The following UBE2D3 variants were observed in gnomAD, a reference collection of about 807,000 sequenced individuals.
UBE2D3 encodes ubiquitin conjugating enzyme E2 D3.
UBE2D3 carries 2 observed loss-of-function variants against 22.8 expected under a neutral mutation model. The observed-to-expected ratio is 0.09, with a 90% confidence interval of 0.04 to 0.28. The LOEUF is 0.28. Among genes scored for constraint, UBE2D3 ranks in the 10% least tolerant of loss-of-function variants. The probability of loss-of-function intolerance (pLI) is 1.00; values close to 1 mark genes in which losing one functional copy is unlikely to be tolerated. For missense variants in UBE2D3, 27 were observed against 182.5 expected, an observed-to-expected ratio of 0.15 and a Z score of 4.91; for synonymous variants, 56 against 60.4, an observed-to-expected ratio of 0.93 and a Z score of 0.34.
In UBE2D3 at chr4:102,819,249, G is replaced by A. The variant is rs536820753; in HGVS notation, c.24+7236C>T. On this transcript the variant is annotated intron_variant, in intron 2 of 7. Transcript: ENST00000453744. Reference sequence around the variant, plus strand: ...AGAGGCTGAGACAGGAGAATTGCTTGAACCCAGGAGACGGTGGTTGCAGTA... The same window carrying A: ...AGAGGCTGAGACAGGAGAATTGCTTAAACCCAGGAGACGGTGGTTGCAGTA... 1.1e-4 allele frequency among the ~76,000 whole-genome samples: 16 copies of A among 151,136 alleles called. No individual in the cohort carries two copies. In the South Asian group the frequency reaches 3.3e-3, roughly 32 times the overall value.
intron 4 of UBE2D3, chr4:102,809,353 T>C: frequency 3.3e-6 from 1 of 299,076 alleles, no homozygotes; most frequent in Non-Finnish European, 6.6e-6. Context: ...GCCAGTAACT[T>C]TGTCTCTATA....
At chr4:102,849,328 C>T (rs1197364034) in intron 1 of UBE2D3, among the ~76,000 whole-genome samples, 1 of 125,412 alleles carries the variant, frequency 8.0e-6, no homozygotes. Context: ...TGTGCCACTA[C>T]ACTGCAACTT....
chr4:102,841,697 C>G (rs559507999), intron 1 of UBE2D3, among the ~76,000 whole-genome samples: 87 of 152,270 alleles, frequency 5.7e-4, no homozygotes, highest in African/African-American at 2.0e-3. Flanking sequence ...AAGGTCACTA[C>G]AAGGTGAGTG....
At chr4:102,868,892 C>A (rs1733322780), upstream of UBE2D3, 9 of 1,477,830 alleles carry the variant, frequency 6.1e-6, no homozygotes, top group Admixed American at 1.9e-5. Context: ...CGGCAGTCCG[C>A]CGCGAGCGTA....
chr4:102,799,400 T>TA lies in UBE2D3; in HGVS notation c.398+6dup. 1 of 1,608,362 alleles carries TA rather than the reference T, an allele frequency of 6.2e-7. No individual in the cohort carries two copies. The highest frequency in any genetic ancestry group is 8.5e-7 in the Non-Finnish European group (1 of 1,176,252). On this transcript the variant is annotated splice_region_variant and intron_variant, in intron 7 of 7. Coordinates refer to ENST00000453744, the MANE Select transcript of UBE2D3 (RefSeq NM_181891.3). ...CCACTTTTATAATAACTTTTTAACATACTTACTTATCTCTGTCTGTTTTAT... is the reference window on the plus strand; with the variant it reads ...CCACTTTTATAATAACTTTTTAACATAACTTACTTATCTCTGTCTGTTTTAT...
chr4:102,847,575 C>T (rs1732101761), intron 1 of UBE2D3, among the ~76,000 whole-genome samples: 1 of 152,138 alleles, frequency 6.6e-6, no homozygotes. Flanking sequence ...GTGTGAGCCA[C>T]CGCACCTGGT....
intron 1 of UBE2D3, among the ~76,000 whole-genome samples, chr4:102,867,083 G>C (rs1312700404): frequency 6.6e-6 from 1 of 152,126 alleles, no homozygotes; most frequent in African/African-American, 2.4e-5. Flanking sequence ...ACATGAACCT[G>C]TATCTAAACG....
intron 1 of UBE2D3, among the ~76,000 whole-genome samples, chr4:102,866,562 G>A (rs149977257): frequency 0.01 from 1,560 of 152,188 alleles, 33 homozygotes; most frequent in African/African-American, 0.035. Context: ...TCTTTAAATT[G>A]AGGTATGTAT....
At chr4:102,861,159 C>T (rs1732879493) in intron 1 of UBE2D3, among the ~76,000 whole-genome samples, 2 of 151,888 alleles carry the variant, frequency 1.3e-5, no homozygotes, top group African/African-American at 4.8e-5. Flanking sequence ...ACTCATGGGC[C>T]AAAAGGGCCT....
chr4:102,800,130 G>A (rs1725910368), intron 6 of UBE2D3, among the ~76,000 whole-genome samples: 1 of 151,928 alleles, frequency 6.6e-6, no homozygotes, highest in Non-Finnish European at 1.5e-5. Flanking sequence ...AACATAGATC[G>A]CATTCACTTT....
intron 1 of UBE2D3, among the ~76,000 whole-genome samples, chr4:102,864,656 A>G (rs1403507124): frequency 6.6e-6 from 1 of 152,232 alleles, no homozygotes; most frequent in African/African-American, 2.4e-5. Context: ...TTCAGTAAAA[A>G]GTTAAGTTTT....
intron 7 of UBE2D3, among the ~76,000 whole-genome samples, chr4:102,798,301 CAGG>C (rs1725557990): frequency 1.7e-5 from 1 of 57,694 alleles, no homozygotes; most frequent in African/African-American, 1.1e-4. Flanking sequence ...TATATATGCA[CAGG>C]AGAATTTTTA....
Position 102,826,565 on chromosome 4 carries a change from CA to C in UBE2D3, c.-58del, listed in dbSNP as rs1416723120. 6.2e-7 allele frequency: 1 copy of C among 1,609,132 alleles called. No homozygotes were observed. ...CTCGGTGTATGCTCAAAGGTCCGGC[CA>C]AAACTCTTGATTATCCCGGCGGCGG... On this transcript the variant is annotated 5_prime_UTR_variant, in exon 2 of 8. Transcript: ENST00000453744.
At chr4:102,811,689 C>A (rs557376710) in intron 2 of UBE2D3, 100 of 376,870 alleles carry the variant, frequency 2.7e-4, no homozygotes, top group African/African-American at 1.3e-3. Flanking sequence ...AAAAAAAAAA[C>A]CCCAGAAAAG....
At chr4:102,848,686 G>A (rs1378459696) in intron 1 of UBE2D3, among the ~76,000 whole-genome samples, 1 of 152,002 alleles carries the variant, frequency 6.6e-6, no homozygotes, top group East Asian at 1.9e-4. Flanking sequence ...GGGTATGGTA[G>A]TGCACGCCTA....
Position 102,857,345 on chromosome 4 carries a change from A to G in UBE2D3, c.-129+11370T>C, listed in dbSNP as rs566202007. Among the ~76,000 whole-genome samples the G allele has an allele frequency of 3.3e-5, 5 of 152,376 alleles. No individual in the cohort carries two copies. The South Asian group carries it at 1.0e-3, about 32-fold the overall frequency. ...CCCAAACATAAAATAATAAAGGACT[A>G]TACTATGGTAGCAAATAAAATTACT... On this transcript the variant is annotated intron_variant, in intron 1 of 7. Transcript: ENST00000338145.
At chr4:102,861,912 G>A (rs1407890636) in intron 1 of UBE2D3, among the ~76,000 whole-genome samples, 1 of 151,882 alleles carries the variant, frequency 6.6e-6, no homozygotes, top group East Asian at 1.9e-4. Flanking sequence ...GTGTTTGCTT[G>A]TTTATTTATT....
intron 1 of UBE2D3, among the ~76,000 whole-genome samples, chr4:102,850,380 A>G (rs1732281595): frequency 6.6e-6 from 1 of 152,188 alleles, no homozygotes; most frequent in South Asian, 2.1e-4. Context: ...GTGGTCCTTA[A>G]AAGATTATGA....
At chr4:102,839,859 G>A (rs1488659727) in intron 1 of UBE2D3, among the ~76,000 whole-genome samples, 2 of 152,226 alleles carry the variant, frequency 1.3e-5, no homozygotes, top group Admixed American at 1.3e-4. Flanking sequence ...ATAACCTGTT[G>A]TATGGAAGAA....
Sources: allele counts gnomAD v4.1 joint callset (sites outside exome capture counted in the v4.1 genomes callset), GRCh38; gene constraint gnomAD v4.1.1; transcripts MANE v1.5; gene names NCBI Gene and HGNC (gene_info 2026-07-23, HGNC 2026-07-21).